IPCEF1: variants seen among roughly 807,000 people sequenced by gnomAD.
The protein encoded by IPCEF1 is interaction protein for cytohesin exchange factors 1.
A neutral mutation model predicts 50.9 loss-of-function variants in IPCEF1; 31 were observed. The observed-to-expected ratio is 0.61, with a 90% CI of 0.46 to 0.82. The LOEUF is 0.82. Among genes scored for constraint, IPCEF1 ranks in the 40% least tolerant of loss-of-function variants. The probability of loss-of-function intolerance (pLI) is 0.00; values close to 1 mark genes in which losing one functional copy is unlikely to be tolerated. For missense variants in IPCEF1, 458 were observed against 514.0 expected, an observed-to-expected ratio of 0.89 and a Z score of 1.05; for synonymous variants, 181 against 192.0, an observed-to-expected ratio of 0.94 and a Z score of 0.47.
At chr6:154,232,199 C>A (rs1001483626) in intron 5 of IPCEF1, among the ~76,000 whole-genome samples, 2 of 152,212 alleles carry the variant, frequency 1.3e-5, no homozygotes, top group African/African-American at 2.4e-5. Context: ...CAATCTACAT[C>A]CTGCAACTAT....
chr6:154,355,252 T>C (rs930134900), intron 1 of IPCEF1, among the ~76,000 whole-genome samples: 1 of 152,218 alleles, frequency 6.6e-6, no homozygotes, highest in African/African-American at 2.4e-5. Context: ...AACTTCCTAT[T>C]TCCATACTCT....
intron 11 of IPCEF1, 141 bp from the exon 12 acceptor site, chr6:154,160,181 C>A: frequency 1.5e-6 from 1 of 684,748 alleles, no homozygotes; most frequent in South Asian, 1.8e-5. Flanking sequence ...CTAATTCCAG[C>A]ATTAAGCTTA....
chr6:154,279,943 T>C (rs7762741), intron 2 of IPCEF1, among the ~76,000 whole-genome samples: 45,721 of 152,026 alleles, frequency 0.3, 7,545 homozygotes, highest in Admixed American at 0.46. Flanking sequence ...GAAATGTTAA[T>C]GTTAATGTTA....
At chr6:154,220,794 A>T (rs1285478667) in intron 7 of IPCEF1, among the ~76,000 whole-genome samples, 1 of 152,218 alleles carries the variant, frequency 6.6e-6, no homozygotes, top group African/African-American at 2.4e-5. Context: ...TTTAAGTTTG[A>T]TGTACTCCGA....
intron 10 of IPCEF1, among the ~76,000 whole-genome samples, chr6:154,172,037 C>T (rs995041372): frequency 6.6e-6 from 1 of 152,132 alleles, no homozygotes; most frequent in African/African-American, 2.4e-5. Context: ...TCTGTGTTCA[C>T]CAAGTAGCTA....
At chr6:154,315,920 T>C (rs1038038970) in intron 1 of IPCEF1, among the ~76,000 whole-genome samples, 3 of 152,066 alleles carry the variant, frequency 2.0e-5, no homozygotes, top group African/African-American at 7.2e-5. Flanking sequence ...CTCAGCTCAC[T>C]GCAATCTCAG....
chr6:154,213,203 G>C, intron 8 of IPCEF1: 1 of 250,440 alleles, frequency 4.0e-6, no homozygotes, highest in Non-Finnish European at 8.0e-6. Context: ...CTAATGAATT[G>C]AAACTGGCAG....
intron 5 of IPCEF1, among the ~76,000 whole-genome samples, chr6:154,225,582 G>T (rs1335156327): frequency 6.6e-6 from 1 of 152,144 alleles, no homozygotes; most frequent in African/African-American, 2.4e-5. Context: ...AGCTACCAGG[G>T]TCCCAGGCAG....
chr6:154,173,417 C>A (rs1394226510), intron 10 of IPCEF1, among the ~76,000 whole-genome samples: 2 of 151,806 alleles, frequency 1.3e-5, no homozygotes, highest in Non-Finnish European at 2.9e-5. Flanking sequence ...ATGCTAAAAA[C>A]CTTGAAAAAA....
chr6:154,185,835 G>A (rs1801293622), intron 10 of IPCEF1, among the ~76,000 whole-genome samples: 1 of 152,184 alleles, frequency 6.6e-6, no homozygotes, highest in Non-Finnish European at 1.5e-5. Flanking sequence ...AATTTGTGTT[G>A]GGCCACATTC....
intron 1 of IPCEF1, among the ~76,000 whole-genome samples, chr6:154,310,853 T>C (rs183923406): frequency 0.016 from 2,410 of 151,238 alleles, 38 homozygotes; most frequent in South Asian, 0.025. Flanking sequence ...TGGGGATGGT[T>C]GGGGAAGGGT....
At chr6:154,289,908 A>C (rs1782470392) in intron 1 of IPCEF1, among the ~76,000 whole-genome samples, 152 bp from the exon 2 acceptor site, 1 of 152,282 alleles carries the variant, frequency 6.6e-6, no homozygotes, top group South Asian at 2.1e-4. Flanking sequence ...GATCATCGTG[A>C]TAATGTTAGG....
At chr6:154,188,056 T>C (rs1801537647) in intron 10 of IPCEF1, among the ~76,000 whole-genome samples, 1 of 152,148 alleles carries the variant, frequency 6.6e-6, no homozygotes, top group African/African-American at 2.4e-5. Flanking sequence ...ATATAGTGTT[T>C]GGAAAGGAAA....
At chr6:154,161,444 C>T (rs1799012265) in intron 11 of IPCEF1, among the ~76,000 whole-genome samples, 1 of 152,068 alleles carries the variant, frequency 6.6e-6, no homozygotes. Flanking sequence ...CTCCTTAAAC[C>T]TCAAGTGATA....
intron 2 of IPCEF1, among the ~76,000 whole-genome samples, chr6:154,269,712 A>C (rs1236468221): frequency 1.3e-5 from 2 of 152,216 alleles, no homozygotes; most frequent in Non-Finnish European, 2.9e-5. Flanking sequence ...AATTTTGGGC[A>C]GAAGAACCAC....
chr6:154,227,649 C>T (rs537303855), intron 5 of IPCEF1, among the ~76,000 whole-genome samples: 1 of 151,436 alleles, frequency 6.6e-6, no homozygotes, highest in African/African-American at 2.4e-5. Context: ...GCCCGGAGGT[C>T]GAGGCTGTCA....
chr6:154,183,783 G>A (rs375320943), intron 10 of IPCEF1, among the ~76,000 whole-genome samples: 1 of 151,986 alleles, frequency 6.6e-6, no homozygotes, highest in Non-Finnish European at 1.5e-5. Flanking sequence ...CTAGCTACGT[G>A]GGAGGCTGAG....
chr6:154,203,911 G>T (rs995323576), intron 9 of IPCEF1, among the ~76,000 whole-genome samples: 3 of 152,112 alleles, frequency 2.0e-5, no homozygotes, highest in Non-Finnish European at 4.4e-5. Context: ...TGATTTATCC[G>T]AATCCCAGGA....
At chr6:154,173,927 G>T (rs1007330132) in intron 10 of IPCEF1, among the ~76,000 whole-genome samples, 7 of 152,172 alleles carry the variant, frequency 4.6e-5, no homozygotes, top group Non-Finnish European at 8.8e-5. Flanking sequence ...AGAGAGAAAG[G>T]TTGGGTTACC....
Sources: allele counts gnomAD v4.1 joint callset (sites outside exome capture counted in the v4.1 genomes callset), GRCh38; gene constraint gnomAD v4.1.1; transcripts MANE v1.5; gene names NCBI Gene and HGNC (gene_info 2026-07-23, HGNC 2026-07-21).